EPB41L4A: variants seen among roughly 807,000 people sequenced by gnomAD.
EPB41L4A encodes erythrocyte membrane protein band 4.1 like 4A, also known as band 4.1-like protein 4A.
A neutral mutation model predicts 108.6 loss-of-function variants in EPB41L4A; 100 were observed. That is an observed-to-expected ratio of 0.92 (90% CI 0.78 to 1.09). The LOEUF is 1.09. Among genes scored for constraint, EPB41L4A ranks in the 50% least tolerant of loss-of-function variants. The pLI is 0.00. For missense variants in EPB41L4A, 1,030 were observed against 842.7 expected (o/e 1.22, Z -2.75); for synonymous variants, 319 against 289.0 (o/e 1.10, Z -1.05).
chr5:112,253,643 TTA>T (rs1406852547), intron 9 of EPB41L4A, among the ~76,000 whole-genome samples: 1 of 152,138 alleles, frequency 6.6e-6, no homozygotes, highest in Non-Finnish European at 1.5e-5. Context: ...ACTTACATAT[TTA>T]TAGTCTATGA....
rs142891510 is a variant in EPB41L4A at position 112,371,828 on chromosome 5, T to C, written c.99+47113A>G. Among the ~76,000 whole-genome samples the C allele has an allele frequency of 3.7e-4, 56 of 152,208 alleles. No homozygotes were observed. In the East Asian group the frequency reaches 0.01, roughly 27 times the overall value. On this transcript the variant is annotated intron_variant, in intron 1 of 22. Coordinates refer to ENST00000261486, the MANE Select transcript of EPB41L4A (RefSeq NM_022140.5). ...AAAATTGAACAAAAGAACTCAACAA[T>C]GCTACAAGGCCAGATTGGGTTAAGT...
chr5:112,282,248 C>T (rs1054587933), intron 2 of EPB41L4A, among the ~76,000 whole-genome samples: 5 of 152,152 alleles, frequency 3.3e-5, no homozygotes, highest in African/African-American at 7.2e-5. Context: ...TTGGACACAA[C>T]GCAGACCCAT....
At chr5:112,351,843 A>C (rs1210677058) in intron 1 of EPB41L4A, among the ~76,000 whole-genome samples, 1 of 152,250 alleles carries the variant, frequency 6.6e-6, no homozygotes, top group Non-Finnish European at 1.5e-5. Context: ...ATGAGTCAAT[A>C]AACGCAAATC....
intron 2 of EPB41L4A, among the ~76,000 whole-genome samples, chr5:112,283,539 G>C (rs1222045017): frequency 6.6e-6 from 1 of 152,076 alleles, no homozygotes; most frequent in East Asian, 1.9e-4. Context: ...AGAGAAAAAA[G>C]GGCACAAAAA....
In EPB41L4A at chr5:112,287,542, G is replaced by A. The variant is rs191867840; in HGVS notation, c.205-7219C>T. ...CAGTTAGAGAAAATCATTTCAACAC[G>A]GATCAAATCAGTTAACTCTTTTCTT... On this transcript the variant is annotated intron_variant, in intron 2 of 22. Transcript: ENST00000261486. Among the ~76,000 whole-genome samples, 85 of 152,242 alleles carry A rather than the reference G, an allele frequency of 5.6e-4. 1 individual carries two copies. In the East Asian group the frequency reaches 0.014, roughly 26 times the overall value.
chr5:112,398,977 A>G (rs1043744330), intron 1 of EPB41L4A, among the ~76,000 whole-genome samples: 5 of 152,090 alleles, frequency 3.3e-5, no homozygotes, highest in African/African-American at 1.2e-4. Flanking sequence ...TTAGAGCCAG[A>G]GAAATGAGAA....
At chr5:112,374,168 C>T (rs1172441549) in intron 1 of EPB41L4A, among the ~76,000 whole-genome samples, 2 of 152,126 alleles carry the variant, frequency 1.3e-5, no homozygotes, top group African/African-American at 4.8e-5. Context: ...TAACTCAGGT[C>T]CCCAACAAGA....
chr5:112,348,285 T>C (rs1054983571), intron 1 of EPB41L4A, among the ~76,000 whole-genome samples: 1 of 152,150 alleles, frequency 6.6e-6, no homozygotes, highest in African/African-American at 2.4e-5. Context: ...ATGCCTGTAT[T>C]AAAGTTATGC....
intron 2 of EPB41L4A, among the ~76,000 whole-genome samples, chr5:112,298,242 A>T (rs1754135506): frequency 6.6e-6 from 1 of 152,020 alleles, no homozygotes; most frequent in Non-Finnish European, 1.5e-5. Flanking sequence ...CACATTATTG[A>T]TTCTACCCAT....
chr5:112,274,669 C>T (rs994818562), intron 4 of EPB41L4A, among the ~76,000 whole-genome samples: 1 of 152,210 alleles, frequency 6.6e-6, no homozygotes, highest in African/African-American at 2.4e-5. Context: ...TTTCCTACCA[C>T]ATGCAGCTAG....
intron 1 of EPB41L4A, among the ~76,000 whole-genome samples, chr5:112,354,388 A>T (rs1311382676): frequency 2.0e-5 from 3 of 152,158 alleles, no homozygotes; most frequent in Non-Finnish European, 2.9e-5. Context: ...GCAATAAGTA[A>T]TAAAGGGAAA....
At chr5:112,161,832 T>G, downstream of EPB41L4A, 1 of 297,258 alleles carries the variant, frequency 3.4e-6, no homozygotes, top group Non-Finnish European at 6.7e-6. Context: ...CCTTTTAAAT[T>G]GGGGTTCCTT....
intron 2 of EPB41L4A, among the ~76,000 whole-genome samples, chr5:112,281,779 T>C (rs561460862): frequency 6.6e-6 from 1 of 152,344 alleles, no homozygotes; most frequent in Admixed American, 6.5e-5. Context: ...GCAATCCCCT[T>C]ACCCTTTATT....
At chr5:112,370,712 C>T (rs1370213116) in intron 1 of EPB41L4A, among the ~76,000 whole-genome samples, 2 of 152,066 alleles carry the variant, frequency 1.3e-5, no homozygotes, top group Admixed American at 6.6e-5. Flanking sequence ...GTCAGGAGTT[C>T]GAGGCCAACC....
chr5:112,157,174 G>A (rs950911101), intron 12 of EPB41L4A, among the ~76,000 whole-genome samples: 3 of 151,746 alleles, frequency 2.0e-5, no homozygotes, highest in African/African-American at 7.3e-5. Context: ...CCTGATCTAT[G>A]ATGATGGTGG....
chr5:112,307,446 G>A lies in EPB41L4A; in HGVS notation c.144C>T (p.His48=), dbSNP rs370189897. The A allele has an allele frequency of 9.6e-5, 155 of 1,613,098 alleles. No individual in the cohort carries two copies. In the African/African-American group the frequency reaches 1.4e-3, roughly 15 times the overall value. The change falls in exon 2 of 23, where the codon CAC becomes CAT. Residue 48 remains histidine (H), a synonymous_variant. Transcript: ENST00000261486. Reference sequence around the variant, plus strand: ...AATAATCTATCTCCACAAGGTTTACGTGATGGAATACGTGGTCAAGGACAA... The same window carrying A: ...AATAATCTATCTCCACAAGGTTTACATGATGGAATACGTGGTCAAGGACAA... The part of the protein sequence containing the change: ...GSVVLDHVFH[H]VNLVEIDYFG...
At chr5:112,312,194 G>C (rs554523111) in intron 1 of EPB41L4A, among the ~76,000 whole-genome samples, 1 of 152,242 alleles carries the variant, frequency 6.6e-6, no homozygotes, top group East Asian at 1.9e-4. Flanking sequence ...CAGAAAACCA[G>C]CTCGGGAGTT....
chr5:112,288,823 T>C (rs1222279475), intron 2 of EPB41L4A, among the ~76,000 whole-genome samples: 1 of 151,770 alleles, frequency 6.6e-6, no homozygotes, highest in African/African-American at 2.4e-5. Context: ...TTAGAGGAGA[T>C]GATATATCTT....
At chr5:112,390,729 G>C (rs186625381) in intron 1 of EPB41L4A, among the ~76,000 whole-genome samples, 1 of 152,162 alleles carries the variant, frequency 6.6e-6, no homozygotes, top group South Asian at 2.1e-4. Flanking sequence ...CTCTGAGAAC[G>C]GACAGACTGC....
Sources: allele counts gnomAD v4.1 joint callset (sites outside exome capture counted in the v4.1 genomes callset), GRCh38; gene constraint gnomAD v4.1.1; transcripts MANE v1.5; gene names NCBI Gene and HGNC (gene_info 2026-07-23, HGNC 2026-07-21).